FOXP2: variants seen among roughly 807,000 people sequenced by gnomAD.
FOXP2 encodes forkhead box P2.
A neutral mutation model predicts 115.8 loss-of-function variants in FOXP2; 12 were observed. The ratio of observed to expected loss-of-function variants is 0.10; its 90% CI spans 0.07 to 0.17. The LOEUF (loss-of-function observed/expected upper bound fraction) is 0.17, where lower values mean the gene tolerates loss of function less well. Among genes scored for constraint, FOXP2 ranks in the 10% least tolerant of loss-of-function variants. The pLI, the probability that FOXP2 is intolerant of heterozygous loss-of-function variation, is 1.00. For missense variants in FOXP2, 629 were observed against 843.5 expected, an observed-to-expected ratio of 0.75 and a Z score of 3.15; for synonymous variants, 328 against 297.7, an observed-to-expected ratio of 1.10 and a Z score of -1.05.
At chr7:114,102,158 A>G (rs1790987584) in intron 1 of FOXP2, among the ~76,000 whole-genome samples, 1 of 151,908 alleles carries the variant, frequency 6.6e-6, no homozygotes, top group Non-Finnish European at 1.5e-5. Flanking sequence ...CTTGCCATGT[A>G]TGTCACTTCT....
At chr7:114,620,678 A>C (rs1804201356) in intron 3 of FOXP2, among the ~76,000 whole-genome samples, 1 of 152,068 alleles carries the variant, frequency 6.6e-6, no homozygotes, top group African/African-American at 2.4e-5. Flanking sequence ...CATAATTTAC[A>C]ACAGTATGAT....
At chr7:114,404,972 C>T (rs897140400) in intron 2 of FOXP2, among the ~76,000 whole-genome samples, 1 of 151,842 alleles carries the variant, frequency 6.6e-6, no homozygotes, top group East Asian at 1.9e-4. Context: ...TTCTGTGTAT[C>T]TCTGATTAGT....
intron 1 of FOXP2, among the ~76,000 whole-genome samples, chr7:114,228,856 CAG>C (rs1293675569): frequency 2.1e-5 from 3 of 139,684 alleles, no homozygotes; most frequent in African/African-American, 8.7e-5. Flanking sequence ...AGCTACAAAA[CAG>C]AAAGAAACAA....
chr7:114,099,401 G>C (rs182089299), intron 1 of FOXP2, among the ~76,000 whole-genome samples: 1 of 152,128 alleles, frequency 6.6e-6, no homozygotes, highest in Non-Finnish European at 1.5e-5. Context: ...TGCAGAAAAG[G>C]CACCTCTTGT....
intron 1 of FOXP2, among the ~76,000 whole-genome samples, chr7:114,252,462 A>C (rs1278028651): frequency 1.3e-5 from 2 of 152,094 alleles, no homozygotes; most frequent in Non-Finnish European, 2.9e-5. Flanking sequence ...TATTGCCTCA[A>C]TTTCAGTGCC....
At chr7:114,467,656 C>T (rs746353323) in intron 2 of FOXP2, among the ~76,000 whole-genome samples, 1 of 152,074 alleles carries the variant, frequency 6.6e-6, no homozygotes, top group Non-Finnish European at 1.5e-5. Flanking sequence ...ATCGCATACC[C>T]TATTATAGTT....
intron 1 of FOXP2, among the ~76,000 whole-genome samples, chr7:114,276,583 C>G (rs1796194333): frequency 1.3e-5 from 2 of 152,074 alleles, no homozygotes; most frequent in South Asian, 4.1e-4. Flanking sequence ...GGGGAGTATA[C>G]CTGGGTCCCC....
At chr7:114,389,822 G>A (rs1425344241) in intron 2 of FOXP2, among the ~76,000 whole-genome samples, 1 of 152,068 alleles carries the variant, frequency 6.6e-6, no homozygotes, top group Non-Finnish European at 1.5e-5. Flanking sequence ...TCAGGAGTTG[G>A]AGACTAGCCT....
intron 1 of FOXP2, among the ~76,000 whole-genome samples, chr7:114,271,562 A>ATATAATATAATTTATATATTAATATTAT (rs1217322628): frequency 1.6e-5 from 2 of 127,626 alleles, no homozygotes; most frequent in South Asian, 2.2e-4. Context: ...AATATATAAT[A>ATATAATATAATTTATATATTAATATTAT]TATAATATAA....
intron 2 of FOXP2, among the ~76,000 whole-genome samples, chr7:114,472,752 G>A (rs1220361979): frequency 1.3e-4 from 20 of 152,076 alleles, no homozygotes; most frequent in Admixed American, 1.3e-3. Flanking sequence ...GTTCAGATAA[G>A]GTTTTCCTTT....
At chr7:114,472,599 C>T (rs531428281) in intron 2 of FOXP2, among the ~76,000 whole-genome samples, 3 of 152,254 alleles carry the variant, frequency 2.0e-5, no homozygotes, top group East Asian at 3.9e-4. Flanking sequence ...CCACCAACCT[C>T]GGCCTCCCAG....
At chr7:114,571,388 A>T (rs1801293715) in intron 3 of FOXP2, among the ~76,000 whole-genome samples, 1 of 151,898 alleles carries the variant, frequency 6.6e-6, no homozygotes, top group South Asian at 2.1e-4. Context: ...TTCACATAGC[A>T]GTTATCCTTG....
At chr7:114,676,900 A>G (rs1405476803) in intron 16 of FOXP2, among the ~76,000 whole-genome samples, 2 of 152,206 alleles carry the variant, frequency 1.3e-5, no homozygotes, top group African/African-American at 4.8e-5. Flanking sequence ...GATATGAGTC[A>G]TAAATTTTAA....
intron 1 of FOXP2, among the ~76,000 whole-genome samples, chr7:114,140,522 A>G (rs1213105064): frequency 6.6e-6 from 1 of 152,124 alleles, no homozygotes; most frequent in East Asian, 1.9e-4. Flanking sequence ...TTCTTTGCAA[A>G]TTTTATTGAA....
intron 1 of FOXP2, among the ~76,000 whole-genome samples, chr7:114,269,180 T>C (rs1795975239): frequency 6.6e-6 from 1 of 152,156 alleles, no homozygotes. Context: ...AGGGTCCTCA[T>C]GAAGGTATAT....
chr7:114,099,435 G>GT (rs1799727159), intron 1 of FOXP2, among the ~76,000 whole-genome samples: 3 of 151,996 alleles, frequency 2.0e-5, no homozygotes, highest in Admixed American at 1.3e-4. Flanking sequence ...AATGTAGATT[G>GT]GTATGCCCAT....
chr7:114,206,489 A>C (rs1291565801), intron 1 of FOXP2, among the ~76,000 whole-genome samples: 3 of 152,006 alleles, frequency 2.0e-5, no homozygotes, highest in African/African-American at 4.8e-5. Context: ...CTTTCTTCTT[A>C]TTATTTAGAT....
chr7:114,277,037 C>G (rs1489404689), intron 1 of FOXP2, among the ~76,000 whole-genome samples: 1 of 152,006 alleles, frequency 6.6e-6, no homozygotes, highest in African/African-American at 2.4e-5. Context: ...AAGAGATCAA[C>G]TAGTTTTCTC....
At chr7:114,130,363 A>T (rs1562974002) in intron 1 of FOXP2, among the ~76,000 whole-genome samples, 2 of 152,212 alleles carry the variant, frequency 1.3e-5, no homozygotes, top group African/African-American at 4.8e-5. Flanking sequence ...CTATTAAAAA[A>T]TTGACACAAT....
Sources: gnomAD v4.1 joint callset for allele counts (sites outside exome capture counted in the v4.1 genomes callset) on GRCh38, gnomAD v4.1.1 for gene constraint, MANE v1.5 for transcripts, NCBI Gene and HGNC (gene_info 2026-07-23, HGNC 2026-07-21) for gene names.